Variants in MAN1A2 observed in about 807,000 individuals in gnomAD.
MAN1A2 encodes the protein mannosyl-oligosaccharide 1,2-alpha-mannosidase IB.
In MAN1A2, 26 loss-of-function variants were observed where a neutral mutation model predicts 75.7. That is an observed-to-expected ratio of 0.34 (90% CI 0.25 to 0.48). The LOEUF (loss-of-function observed/expected upper bound fraction) is 0.48, where lower values mean the gene tolerates loss of function less well. Among genes scored for constraint, MAN1A2 ranks in the 20% least tolerant of loss-of-function variants. The pLI is 0.99. For synonymous variants in MAN1A2, 247 were observed against 264.6 expected, an observed-to-expected ratio of 0.93 and a Z score of 0.65; for missense variants, 562 against 775.5, an observed-to-expected ratio of 0.72 and a Z score of 3.27.
At chr1:117,445,215 C>G (rs1334524599) in intron 6 of MAN1A2, among the ~76,000 whole-genome samples, 1 of 151,926 alleles carries the variant, frequency 6.6e-6, no homozygotes, top group African/African-American at 2.4e-5. Context: ...TTAGATATTC[C>G]TTGGCCATAA....
chr1:117,416,212 A>G (rs931949024), intron 4 of MAN1A2, among the ~76,000 whole-genome samples: 23 of 152,080 alleles, frequency 1.5e-4, no homozygotes, highest in Non-Finnish European at 3.1e-4. Context: ...CATTAGTCAT[A>G]TATTAGTCAT....
intron 8 of MAN1A2, among the ~76,000 whole-genome samples, chr1:117,479,628 A>G (rs1329259154): frequency 6.6e-6 from 1 of 151,848 alleles, no homozygotes; most frequent in East Asian, 1.9e-4. Flanking sequence ...TGACTTTTTA[A>G]TAATCATTCT....
chr1:117,375,324 C>T (rs1653100418), intron 1 of MAN1A2, among the ~76,000 whole-genome samples: 1 of 152,134 alleles, frequency 6.6e-6, no homozygotes, highest in African/African-American at 2.4e-5. Context: ...ATGGGAAGGA[C>T]TATAATTTCC....
intron 6 of MAN1A2, among the ~76,000 whole-genome samples, chr1:117,453,131 C>G (rs1217562331): frequency 6.6e-6 from 1 of 152,196 alleles, no homozygotes; most frequent in Non-Finnish European, 1.5e-5. Context: ...CAAAATATTA[C>G]TGCTCATTGA....
intron 12 of MAN1A2, chr1:117,515,113 T>C (rs986025081): frequency 4.6e-6 from 1 of 218,340 alleles, no homozygotes; most frequent in Admixed American, 5.4e-5. Flanking sequence ...ACAAAGTATA[T>C]ATGCAGTTGG....
chr1:117,512,868 C>T (rs1008027146), intron 12 of MAN1A2, among the ~76,000 whole-genome samples: 6 of 151,820 alleles, frequency 4.0e-5, no homozygotes, highest in African/African-American at 1.5e-4. Context: ...TTGAAATATG[C>T]TTGCCAATTT....
intron 10 of MAN1A2, 37 bp from the exon 11 acceptor site, chr1:117,499,345 T>C (rs775370718): frequency 7.7e-6 from 11 of 1,419,768 alleles, no homozygotes; most frequent in Non-Finnish European, 9.4e-6. Context: ...ACATAAATGG[T>C]TTATTTTGCT....
intron 9 of MAN1A2, 100 bp from the exon 10 acceptor site, chr1:117,496,663 C>A: frequency 1.2e-6 from 1 of 821,508 alleles, no homozygotes; most frequent in Non-Finnish European, 2.0e-6. Context: ...ACTTTATAGA[C>A]TATCATATTA....
intron 6 of MAN1A2, among the ~76,000 whole-genome samples, chr1:117,454,891 A>G (rs1370765647): frequency 1.3e-5 from 2 of 152,110 alleles, no homozygotes; most frequent in African/African-American, 2.4e-5. Flanking sequence ...GGGAAGGTTA[A>G]TGGTTTATGT....
At position 117,528,148 on chromosome 1, in the gene MAN1A2, T is replaced by C. The variant is rs980181372; in HGVS notation, c.*5191T>C. On this transcript the variant is annotated 3_prime_UTR_variant, in exon 13 of 13. Coordinates refer to ENST00000356554, the MANE Select transcript of MAN1A2 (RefSeq NM_006699.5). ...AACAGCTAATCCATTTCAAACTTGG[T>C]TTGAGCCTAGCAATTGCAGAACTCA... is the stretch of plus-strand genomic sequence containing the variant. 2.6e-5 allele frequency: 4 copies of C among 152,098 alleles called. No homozygotes were observed. Among genetic ancestry groups the C allele is most frequent in the Non-Finnish European group, 5.9e-5 (4 of 67,968 alleles). The allele number at this position is 152,098 out of a possible 1,614,324, so 9.4% of individuals were successfully genotyped here. A position where few individuals can be genotyped will look rare whatever the true frequency, so the allele number is the denominator to read the frequency against.
At chr1:117,395,139 A>T (rs1653865955) in intron 1 of MAN1A2, among the ~76,000 whole-genome samples, 1 of 152,224 alleles carries the variant, frequency 6.6e-6, no homozygotes. Flanking sequence ...TGAGAAATAG[A>T]GTTTTTATTT....
chr1:117,433,189 C>A (rs1156282703), intron 5 of MAN1A2, among the ~76,000 whole-genome samples: 2 of 151,944 alleles, frequency 1.3e-5, no homozygotes, highest in Non-Finnish European at 2.9e-5. Context: ...ACCTGAAATG[C>A]TCCAAAATCC....
intron 8 of MAN1A2, among the ~76,000 whole-genome samples, chr1:117,492,396 A>G (rs895331073): frequency 6.6e-6 from 1 of 152,144 alleles, no homozygotes; most frequent in Non-Finnish European, 1.5e-5. Flanking sequence ...TTTTAGCAAT[A>G]AAGTATTTTT....
intron 6 of MAN1A2, among the ~76,000 whole-genome samples, chr1:117,450,941 C>G (rs946309622): frequency 2.0e-5 from 3 of 152,176 alleles, no homozygotes; most frequent in African/African-American, 7.2e-5. Flanking sequence ...GGGGTTGGAG[C>G]CCCAACACAG....
intron 5 of MAN1A2, among the ~76,000 whole-genome samples, chr1:117,435,009 G>A (rs532116933): frequency 2.6e-5 from 4 of 151,902 alleles, no homozygotes; most frequent in African/African-American, 9.7e-5. Context: ...TTGATGGTAC[G>A]ATAGTTATTA....
intron 5 of MAN1A2, among the ~76,000 whole-genome samples, chr1:117,439,103 C>G (rs531493791): frequency 1.3e-5 from 2 of 151,992 alleles, no homozygotes; most frequent in African/African-American, 4.8e-5. Context: ...GACAGTGAAA[C>G]GAAAACATAC....
At chr1:117,410,464 A>G (rs1647769584) in intron 3 of MAN1A2, among the ~76,000 whole-genome samples, 1 of 151,886 alleles carries the variant, frequency 6.6e-6, no homozygotes, top group African/African-American at 2.4e-5. Flanking sequence ...AACAACAACA[A>G]TAAGCAAAAA....
intron 6 of MAN1A2, among the ~76,000 whole-genome samples, chr1:117,451,326 A>G (rs1649410918): frequency 6.6e-6 from 1 of 152,224 alleles, no homozygotes; most frequent in Admixed American, 6.5e-5. Context: ...CTGTACACCC[A>G]TTGTATCTAT....
At chr1:117,368,511 A>G (rs769833439) in intron 1 of MAN1A2, 26 bp downstream of exon 1, 10 of 1,567,990 alleles carry the variant, frequency 6.4e-6, no homozygotes. Flanking sequence ...AAGTTCTGGT[A>G]CTAACATTTG....
Sources: gnomAD v4.1 joint callset for allele counts (sites outside exome capture counted in the v4.1 genomes callset) on GRCh38, gnomAD v4.1.1 for gene constraint, MANE v1.5 for transcripts, NCBI Gene and HGNC (gene_info 2026-07-23, HGNC 2026-07-21) for gene names.